The following LAMA4 variants were observed in gnomAD, a reference collection of about 807,000 sequenced individuals.
The protein encoded by LAMA4 is laminin subunit alpha 4, also known as laminin subunit alpha-4.
In LAMA4, 127 loss-of-function variants were observed where a neutral mutation model predicts 207.1. That is an observed-to-expected ratio of 0.61 (90% CI 0.53 to 0.71). The LOEUF (loss-of-function observed/expected upper bound fraction) is 0.71, where lower values mean the gene tolerates loss of function less well. Ranked by LOEUF, LAMA4 falls within the 30% of genes least tolerant of loss-of-function variation. LAMA4 has a pLI of 0.00. For synonymous variants in LAMA4, 761 were observed against 816.0 expected (o/e 0.93, Z 1.15); for missense variants, 2,093 against 2,246.5 (o/e 0.93, Z 1.38).
chr6:112,192,029 C>T (rs1783151426), intron 5 of LAMA4, among the ~76,000 whole-genome samples, 179 bp from the exon 6 acceptor site: 1 of 152,212 alleles, frequency 6.6e-6, no homozygotes, highest in Admixed American at 6.5e-5. Context: ...CTACCCCTCC[C>T]CATTATGTTA....
At chr6:112,136,330 T>A in intron 24 of LAMA4, 76 bp from the exon 25 acceptor site, 1 of 1,137,602 alleles carries the variant, frequency 8.8e-7, no homozygotes, top group Non-Finnish European at 1.3e-6. Flanking sequence ...ATTTGAGAAA[T>A]AAGACTGTAT....
At chr6:112,121,757 T>G (rs759693546) in intron 32 of LAMA4, 11 of 406,192 alleles carry the variant, frequency 2.7e-5, no homozygotes, top group Non-Finnish European at 5.1e-5. Flanking sequence ...TTCCTTTCCT[T>G]GATTGTCTTT....
intron 8 of LAMA4, 190 bp downstream of exon 8, chr6:112,187,260 C>G: frequency 1.4e-6 from 1 of 734,706 alleles, no homozygotes; most frequent in Non-Finnish European, 2.4e-6. Flanking sequence ...TTGGCCCAAG[C>G]TCATAGTTAC....
chr6:112,151,458 T>A (rs1353677781), intron 16 of LAMA4, among the ~76,000 whole-genome samples: 1 of 152,174 alleles, frequency 6.6e-6, no homozygotes, highest in Non-Finnish European at 1.5e-5. Context: ...AATCTGTAGA[T>A]GAATTTGGGA....
chr6:112,179,624 G>A (rs1174171114), intron 9 of LAMA4: 1 of 162,960 alleles, frequency 6.1e-6, no homozygotes, highest in East Asian at 1.8e-4. Context: ...CTTTCATCCA[G>A]TATTCTACCC....
intron 9 of LAMA4, among the ~76,000 whole-genome samples, chr6:112,184,476 A>G (rs958704812): frequency 6.6e-6 from 1 of 152,172 alleles, no homozygotes; most frequent in Non-Finnish European, 1.5e-5. Context: ...GACTCTGCTC[A>G]TGTTTTAATG....
chr6:112,241,842 C>A (rs1434311061), intron 2 of LAMA4, among the ~76,000 whole-genome samples: 1 of 152,126 alleles, frequency 6.6e-6, no homozygotes, highest in Non-Finnish European at 1.5e-5. Context: ...TAGAAAAGGA[C>A]CAGCTGGAGG....
chr6:112,118,183 T>G lies in LAMA4; in HGVS notation c.4822-285A>C, dbSNP rs1554324686. 6.6e-6 allele frequency among the ~76,000 whole-genome samples: 1 copy of G among 152,210 alleles called. No homozygotes were observed. The highest frequency in any genetic ancestry group is 1.5e-5 in the Non-Finnish European group (1 of 68,044). On this transcript the variant is annotated intron_variant, in intron 34 of 38. Transcript: ENST00000230538. This position sits in a 1 kb window ranked among gnomAD's most constrained non-coding sequence, Gnocchi z 4.6. ...CAGCTGTGGTTTTCAAACTGCATAT[T>G]TAGAAGTATCCTAGTTTTCCCTCAA...
intron 2 of LAMA4, among the ~76,000 whole-genome samples, chr6:112,248,515 A>AAAAAAAAG (rs1554189084): frequency 1.3e-5 from 2 of 151,782 alleles, no homozygotes; most frequent in African/African-American, 4.8e-5. Context: ...AAAAAAAAAA[A>AAAAAAAAG]AAGTTCAAAT....
chr6:112,229,875 A>T (rs1554363930), intron 2 of LAMA4, among the ~76,000 whole-genome samples: 1 of 152,254 alleles, frequency 6.6e-6, no homozygotes, highest in Non-Finnish European at 1.5e-5. Context: ...CAAAGGTGGG[A>T]TCCATGTCAA....
chr6:112,152,488 G>A lies in LAMA4; in HGVS notation c.2057-1861C>T, dbSNP rs549911086. 5.3e-5 allele frequency among the ~76,000 whole-genome samples: 8 copies of A among 152,168 alleles called. No homozygotes were observed. The East Asian group carries it at 1.5e-3, about 29-fold the overall frequency. ...TCATGATGTAATTACCTCATCATCT[G>A]AACTAAAGGATCAACTTTGCCAGTA... is the stretch of plus-strand genomic sequence containing the variant. On this transcript the variant is annotated intron_variant, in intron 16 of 38. Coordinates refer to ENST00000230538, the MANE Select transcript of LAMA4 (RefSeq NM_001105206.3).
chr6:112,192,538 A>G (rs1159705959), intron 5 of LAMA4, among the ~76,000 whole-genome samples: 1 of 152,214 alleles, frequency 6.6e-6, no homozygotes, highest in Admixed American at 6.5e-5. Flanking sequence ...CCAGACTGCC[A>G]TTCTTCTGGA....
chr6:112,233,347 C>T (rs879998144), intron 2 of LAMA4, among the ~76,000 whole-genome samples: 4 of 152,214 alleles, frequency 2.6e-5, no homozygotes, highest in Non-Finnish European at 2.9e-5. Context: ...GCACAAAATG[C>T]GTTTTCAACA....
At chr6:112,110,451 C>T (rs587742789) in intron 38 of LAMA4, among the ~76,000 whole-genome samples, 1 of 152,256 alleles carries the variant, frequency 6.6e-6, no homozygotes, top group South Asian at 2.1e-4. Flanking sequence ...GAAACATCAG[C>T]AAGCAGCTGT....
At chr6:112,213,531 C>G (rs1554357479) in intron 3 of LAMA4, 1 of 152,238 alleles carries the variant, frequency 6.6e-6, no homozygotes, top group Admixed American at 6.5e-5. Flanking sequence ...TGGAAAGACA[C>G]TCAAAACATA....
At chr6:112,229,711 A>C (rs1785435844) in intron 2 of LAMA4, among the ~76,000 whole-genome samples, 2 of 152,232 alleles carry the variant, frequency 1.3e-5, no homozygotes, top group Admixed American at 1.3e-4. Flanking sequence ...TATCTAAAGA[A>C]AGATGATTGC....
intron 18 of LAMA4, among the ~76,000 whole-genome samples, chr6:112,146,355 G>A (rs1042772733): frequency 6.6e-6 from 1 of 151,958 alleles, no homozygotes; most frequent in African/African-American, 2.4e-5. Flanking sequence ...AAAGAGAATG[G>A]CATAAATTTT....
chr6:112,147,433 G>A (rs782358920), intron 18 of LAMA4, among the ~76,000 whole-genome samples: 3 of 152,130 alleles, frequency 2.0e-5, no homozygotes, highest in Non-Finnish European at 4.4e-5. Context: ...ACAAGTGAAG[G>A]TAGTATTGTT....
At chr6:112,150,729 G>T (rs1355402048) in intron 16 of LAMA4, 102 bp from the exon 17 acceptor site, 6 of 803,768 alleles carry the variant, frequency 7.5e-6, no homozygotes, top group Non-Finnish European at 1.3e-5. Context: ...GCAGTCATCT[G>T]CAGTATTTGC....
Sources: allele counts gnomAD v4.1 joint callset (sites outside exome capture counted in the v4.1 genomes callset), GRCh38; gene constraint gnomAD v4.1.1; non-coding constraint Gnocchi (gnomAD v3.1); transcripts MANE v1.5; gene names NCBI Gene and HGNC (gene_info 2026-07-23, HGNC 2026-07-21).